The following HLF variants were observed in gnomAD, a reference collection of about 807,000 sequenced individuals.
HLF encodes HLF transcription factor, PAR bZIP family member.
A neutral mutation model predicts 22.6 loss-of-function variants in HLF; 3 were observed. The ratio of observed to expected loss-of-function variants is 0.13; its 90% CI spans 0.06 to 0.34. HLF has a LOEUF of 0.34. Among genes scored for constraint, HLF ranks in the 10% least tolerant of loss-of-function variants. HLF has a pLI of 1.00. For missense variants in HLF, 299 were observed against 389.2 expected (o/e 0.77, Z 1.95); for synonymous variants, 151 against 151.8 (o/e 0.99, Z 0.04).
intron 2 of HLF, among the ~76,000 whole-genome samples, chr17:55,290,760 G>A (rs2145331149): frequency 6.6e-6 from 1 of 152,294 alleles, no homozygotes; most frequent in Middle Eastern, 3.4e-3. Flanking sequence ...TAATTTTGAA[G>A]GTAGGTCGAA....
At position 55,265,224 on chromosome 17, in the gene HLF, C is replaced by T. The variant is rs2080776283; in HGVS notation, c.-261C>T. 1 of 364,328 alleles carries T rather than the reference C, an allele frequency of 2.7e-6. No individual in the cohort carries two copies. Among genetic ancestry groups the T allele is most frequent in the South Asian group, 6.1e-5 (1 of 16,510 alleles). 22.6% of individuals were successfully genotyped at this position (364,328 alleles called of 1,614,324 possible). A position where few individuals can be genotyped will look rare whatever the true frequency, so the allele number is the denominator to read the frequency against. ...GTTCGAGGCAGGTGAGAGCATCCTG[C>T]ACGTCGCCGGGGAGCCCGCGGGCAC... On this transcript the variant is annotated 5_prime_UTR_variant, in exon 1 of 4. Transcript: ENST00000226067.
intron 2 of HLF, among the ~76,000 whole-genome samples, chr17:55,268,583 G>A (rs1299566220): frequency 6.6e-6 from 1 of 151,608 alleles, no homozygotes; most frequent in Admixed American, 6.6e-5. Flanking sequence ...AGGGATATGG[G>A]GCAGGTATTT....
At chr17:55,302,308 G>T (rs1904333682) in intron 2 of HLF, among the ~76,000 whole-genome samples, 1 of 152,248 alleles carries the variant, frequency 6.6e-6, no homozygotes, top group African/African-American at 2.4e-5. Flanking sequence ...CTGGCTAGGA[G>T]CCAAGGCAAG....
intron 1 of HLF, 21 bp from the exon 2 acceptor site, chr17:55,267,730 C>G (rs553666718): frequency 6.8e-7 from 1 of 1,480,614 alleles, no homozygotes; most frequent in Non-Finnish European, 9.1e-7. Flanking sequence ...TTTTTAAGTC[C>G]AGCTTTCCCT....
intron 2 of HLF, among the ~76,000 whole-genome samples, chr17:55,302,676 G>A (rs1400284110): frequency 6.6e-6 from 1 of 152,140 alleles, no homozygotes; most frequent in African/African-American, 2.4e-5. Context: ...AGAATAGTCA[G>A]TTTAATAACT....
At chr17:55,265,907 C>G in intron 1 of HLF, 2 of 1,076,386 alleles carry the variant, frequency 1.9e-6, no homozygotes, top group Non-Finnish European at 2.3e-6. Context: ...TTCCCTAGAA[C>G]GAGGCACACC....
chr17:55,289,916 A>C (rs2081043253), intron 2 of HLF, among the ~76,000 whole-genome samples: 1 of 152,204 alleles, frequency 6.6e-6, no homozygotes, highest in South Asian at 2.1e-4. Flanking sequence ...TAGTTAGAAA[A>C]AAAAAGGCCA....
chr17:55,322,713 G>T lies in HLF; in HGVS notation c.*1834G>T. On this transcript the variant is annotated 3_prime_UTR_variant, in exon 4 of 4. Transcript: ENST00000226067. The stretch of plus-strand genomic sequence containing the variant: ...TTATTGGATGATACAGTGTTTTTTA[G>T]GAAAAGCATCTGCCACAAAAATGTT... The T allele has an allele frequency of 4.5e-6, 1 of 220,360 alleles. No individual in the cohort carries two copies. Among genetic ancestry groups the T allele is most frequent in the Non-Finnish European group, 9.1e-6 (1 of 109,650 alleles). 13.7% of individuals were successfully genotyped at this position (220,360 alleles called of 1,614,324 possible).
At chr17:55,278,163 C>G (rs1160469727) in intron 2 of HLF, among the ~76,000 whole-genome samples, 2 of 152,198 alleles carry the variant, frequency 1.3e-5, no homozygotes, top group Non-Finnish European at 1.5e-5. Context: ...CTATTAAACC[C>G]TGTTGCCTCT....
At position 55,311,961 on chromosome 17, in the gene HLF, C is replaced by T. The variant is rs116003499; in HGVS notation, c.452-3266C>T. 3.8e-3 allele frequency among the ~76,000 whole-genome samples: 573 copies of T among 152,246 alleles called. 5 individuals carry two copies. Among genetic ancestry groups the T allele is most frequent in the African/African-American group, 0.013 (522 of 41,540 alleles). On this transcript the variant is annotated intron_variant, in intron 2 of 3. Coordinates refer to ENST00000226067, the MANE Select transcript of HLF (RefSeq NM_002126.5). Reference sequence around the variant, plus strand: ...GTGTTAATTCATTTAGGATGATGGCCGCCAGCTGCATCTGTGTTGCTGCAA... The same window carrying T: ...GTGTTAATTCATTTAGGATGATGGCTGCCAGCTGCATCTGTGTTGCTGCAA...
At chr17:55,280,867 G>A (rs1274212818) in intron 2 of HLF, among the ~76,000 whole-genome samples, 2 of 152,168 alleles carry the variant, frequency 1.3e-5, no homozygotes, top group African/African-American at 4.8e-5. Context: ...GGAAATACAA[G>A]GAAATTGTAA....
At chr17:55,268,247 A>G (rs764487312) in intron 2 of HLF, among the ~76,000 whole-genome samples, 161 bp downstream of exon 2, 11 of 152,184 alleles carry the variant, frequency 7.2e-5, no homozygotes, top group Non-Finnish European at 1.3e-4. Context: ...TCCCACTTTA[A>G]TGAGCATCCA....
intron 2 of HLF, 79 bp from the exon 3 acceptor site, chr17:55,315,148 C>G (rs1223493840): frequency 3.0e-6 from 3 of 1,010,006 alleles, no homozygotes; most frequent in Non-Finnish European, 4.7e-6. Flanking sequence ...TCTTACCACT[C>G]ATCTCAGAGC....
chr17:55,282,063 A>G (rs923546381), intron 2 of HLF, among the ~76,000 whole-genome samples: 1 of 152,228 alleles, frequency 6.6e-6, no homozygotes, highest in Non-Finnish European at 1.5e-5. Flanking sequence ...CCATTTCCTC[A>G]TCCAGAACAT....
chr17:55,275,521 G>T (rs1250356749), intron 2 of HLF, among the ~76,000 whole-genome samples: 1 of 152,226 alleles, frequency 6.6e-6, no homozygotes, highest in African/African-American at 2.4e-5. Flanking sequence ...AGTGACCTTG[G>T]GGGTAAGGAA....
chr17:55,305,923 G>A (rs1423054067), intron 2 of HLF, among the ~76,000 whole-genome samples: 1 of 152,190 alleles, frequency 6.6e-6, no homozygotes, highest in Admixed American at 6.5e-5. Context: ...AAATTATTTA[G>A]CATATCTGAG....
At chr17:55,304,796 G>A (rs767784291) in intron 2 of HLF, among the ~76,000 whole-genome samples, 6 of 152,176 alleles carry the variant, frequency 3.9e-5, no homozygotes, top group Non-Finnish European at 5.9e-5. Context: ...CCCATTCAGC[G>A]CCCTGAGGTG....
chr17:55,314,915 C>T (rs77679932), intron 2 of HLF, among the ~76,000 whole-genome samples: 1,663 of 152,320 alleles, frequency 0.011, 67 homozygotes, highest in Admixed American at 0.077. Context: ...CTGTTCATTG[C>T]ATCTTGCAGA....
At chr17:55,279,880 T>C (rs1218406714) in intron 2 of HLF, among the ~76,000 whole-genome samples, 3 of 152,196 alleles carry the variant, frequency 2.0e-5, no homozygotes, top group African/African-American at 4.8e-5. Context: ...TAAATTTTCA[T>C]ATAAGTATAT....
Sources: gnomAD v4.1 joint callset for allele counts (sites outside exome capture counted in the v4.1 genomes callset) on GRCh38, gnomAD v4.1.1 for gene constraint, MANE v1.5 for transcripts, NCBI Gene and HGNC (gene_info 2026-07-23, HGNC 2026-07-21) for gene names.